Variants in ARVCF observed in about 807,000 individuals in gnomAD.
The protein encoded by ARVCF is splicing regulator ARVCF.
In ARVCF, 66 loss-of-function variants were observed where a neutral mutation model predicts 90.9. The ratio of observed to expected loss-of-function variants is 0.73; its 90% CI spans 0.60 to 0.89. ARVCF has a LOEUF of 0.89. Ranked by LOEUF, ARVCF falls within the 40% of genes least tolerant of loss-of-function variation. ARVCF has a pLI of 0.00. For missense variants in ARVCF, 1,469 were observed against 1,382.3 expected (o/e 1.06, Z -1.00); for synonymous variants, 653 against 603.4 (o/e 1.08, Z -1.21).
At chr22:19,975,427 C>A (rs1185218473) in intron 11 of ARVCF, among the ~76,000 whole-genome samples, 1 of 152,190 alleles carries the variant, frequency 6.6e-6, no homozygotes, top group Admixed American at 6.5e-5. Context: ...ACCGTGAGGC[C>A]GAGCAAGCCC....
rs1380319592 is a variant in ARVCF at position 19,972,802 on chromosome 22, G to C, written c.2576C>G (p.Pro859Arg). ...GCCCCCAGGACTCAGTGCTCCCTTAGGCCCCTTGGCAGTAGCAGCAGCTGA... is the reference window on the plus strand; with the variant it reads ...GCCCCCAGGACTCAGTGCTCCCTTACGCCCCTTGGCAGTAGCAGCAGCTGA... Reference protein sequence around the residue: ...FQSAAATAKGPKGALSPGGFD... With the variant: ...FQSAAATAKGRKGALSPGGFD... Residue 859 changes from proline to arginine, a missense_variant, in exon 16 of 20, where the codon CCT (proline) becomes CGT (arginine). Coordinates refer to ENST00000263207, the MANE Select transcript of ARVCF (RefSeq NM_001670.3). 1 of 1,613,524 alleles carries C rather than the reference G, an allele frequency of 6.2e-7. No individual in the cohort carries two copies. Among genetic ancestry groups the C allele is most frequent in the Non-Finnish European group, 8.5e-7 (1 of 1,179,760 alleles).
rs2146491866 is a variant in ARVCF at position 20,009,265 on chromosome 22, C to T, written c.-19+1190G>A. Among the ~76,000 whole-genome samples the T allele has an allele frequency of 2.6e-5, 4 of 152,356 alleles. 1 individual carries two copies. The Middle Eastern group carries it at 0.01, about 389-fold the overall frequency. ...CATTCTCGGCCAGACGCTGGTCCTC[C>T]CACACAGCCAGGCGGCAGCAGACCC... On this transcript the variant is annotated intron_variant, in intron 2 of 19. Transcript: ENST00000263207.
chr22:19,970,602 G>A lies in ARVCF; in HGVS notation c.*154C>T. 8.0e-7 allele frequency: 1 copy of A among 1,256,218 alleles called. No homozygotes were observed. The allele number at this position is 1,256,218 out of a possible 1,614,324, so 77.8% of individuals were successfully genotyped here. ...GGGAGTGGGGTGGGGGGGCAGGAGGGTGTCCCCAAAGTCAGGCTTGGCTGG... is the reference window on the plus strand; with the variant it reads ...GGGAGTGGGGTGGGGGGGCAGGAGGATGTCCCCAAAGTCAGGCTTGGCTGG... On this transcript the variant is annotated 3_prime_UTR_variant, in exon 20 of 20. Transcript: ENST00000263207.
At chr22:20,011,101 T>C (rs1333450119) in intron 1 of ARVCF, among the ~76,000 whole-genome samples, 1 of 152,278 alleles carries the variant, frequency 6.6e-6, no homozygotes, top group Non-Finnish European at 1.5e-5. Context: ...TTGTCTGGGA[T>C]GGGGGACCTG....
rs144850362 is a variant in ARVCF at position 19,980,002 on chromosome 22, G to A, written c.1137C>T (p.Ala379=). Residue 379 remains alanine (A), a synonymous_variant, in exon 6 of 20, where the codon GCC becomes GCT. Coordinates refer to ENST00000263207, the MANE Select transcript of ARVCF (RefSeq NM_001670.3). ...CAAAGCACAGATGCTGCAGGTAGGCGGCCGCATTGGCCTTCACGGGGTCCA... is the reference window on the plus strand; with the variant it reads ...CAAAGCACAGATGCTGCAGGTAGGCAGCCGCATTGGCCTTCACGGGGTCCA... ...HPVDPVKANA[A]AYLQHLCFEN... 1.2e-4 allele frequency: 189 copies of A among 1,594,140 alleles called. 1 individual carries two copies. In the African/African-American group the frequency reaches 1.9e-3, roughly 16 times the overall value.
At position 19,973,240 on chromosome 22, in the gene ARVCF, C is replaced by G; in HGVS notation, c.2317G>C (p.Glu773Gln). The change falls in exon 14 of 20, where the codon GAA becomes CAA. Residue 773 changes from glutamate (E) to glutamine (Q), a missense_variant. Physicochemically the swap from Glu to Gln is conservative, Grantham distance 29 (BLOSUM62 2). Transcript: ENST00000263207. ...APPRPGACLE[E>Q]DTVVAVLNTI... ...TTGAGCACCGCCACCACGGTGTCTT[C>G]CTCCAGGCAGGCCCCCGGTCGCGGC... The G allele has an allele frequency of 6.2e-7, 1 of 1,610,688 alleles. No homozygotes were observed. The highest frequency in any genetic ancestry group is 8.5e-7 in the Non-Finnish European group (1 of 1,179,250).
intron 7 of ARVCF, among the ~76,000 whole-genome samples, chr22:19,978,469 G>A (rs912750751): frequency 1.3e-5 from 2 of 152,190 alleles, no homozygotes; most frequent in Non-Finnish European, 2.9e-5. Context: ...GCAGGGCTGC[G>A]CGGGAACACC....
At position 19,970,362 on chromosome 22, in the gene ARVCF, C is replaced by T. The variant is rs1035789650; in HGVS notation, c.*394G>A. 10 of 1,003,956 alleles carry T rather than the reference C, an allele frequency of 1.0e-5. No homozygotes were observed. The East Asian group carries it at 3.2e-4, about 32-fold the overall frequency. 62.2% of individuals were successfully genotyped at this position (1,003,956 alleles called of 1,614,324 possible). A position where few individuals can be genotyped will look rare whatever the true frequency, so the allele number is the denominator to read the frequency against. On this transcript the variant is annotated 3_prime_UTR_variant, in exon 20 of 20. Transcript: ENST00000263207. ...TCCCTGCCTAGCTGCCTGCCCCTGG[C>T]GCCAGACCTGGCCCGCACCACTGGG...
Position 19,981,252 on chromosome 22 carries a change from G to C in ARVCF, c.855C>G (p.Ala285=). Residue 285 remains alanine (A), a synonymous_variant, in exon 5 of 20, where the codon GCC becomes GCG. Coordinates refer to ENST00000263207, the MANE Select transcript of ARVCF (RefSeq NM_001670.3). Reference sequence around the variant, plus strand: ...GCCCACACTCAGGCCTCCTCCTTGTGGCCGTGCCATAGTCAGGCTCCAGCT... The same window carrying C: ...GCCCACACTCAGGCCTCCTCCTTGTCGCCGTGCCATAGTCAGGCTCCAGCT... The part of the protein sequence containing the change: ...GPELEPDYGT[A]TRRRPECGRG... The C allele has an allele frequency of 1.3e-6, 2 of 1,560,568 alleles. No homozygotes were observed. The highest frequency in any genetic ancestry group is 1.7e-6 in the Non-Finnish European group (2 of 1,153,370).
intron 3 of ARVCF, among the ~76,000 whole-genome samples, chr22:19,985,656 A>G (rs1373179521): frequency 6.6e-6 from 1 of 152,254 alleles, no homozygotes; most frequent in Non-Finnish European, 1.5e-5. Flanking sequence ...ATGCTGGGGC[A>G]CAGGTGGCTG....
downstream of ARVCF, chr22:19,967,419 ACAT>A (rs1569137116): frequency 2.1e-6 from 1 of 470,430 alleles, no homozygotes. Flanking sequence ...AAATGAAAAC[ACAT>A]CATGATTCAT....
intron 2 of ARVCF, among the ~76,000 whole-genome samples, chr22:20,002,366 C>T (rs1368802458): frequency 6.6e-6 from 1 of 152,196 alleles, no homozygotes; most frequent in African/African-American, 2.4e-5. Flanking sequence ...TGCATACTGT[C>T]CCTCTGTAAA....
In ARVCF at chr22:19,981,593, C is replaced by T. The variant is rs1943505296; in HGVS notation, c.514G>A (p.Gly172Ser). Residue 172 changes from glycine (G) to serine (S), a missense_variant, in exon 5 of 20, where the codon GGT becomes AGT. Physicochemically the swap from Gly to Ser is moderately conservative, Grantham distance 56. Coordinates refer to ENST00000263207, the MANE Select transcript of ARVCF (RefSeq NM_001670.3). ...CGAGAGAGTGTGGCCACTGGGCCACCACCACGCAGCAGGAAATGCCGGTCC... is the reference window on the plus strand; with the variant it reads ...CGAGAGAGTGTGGCCACTGGGCCACTACCACGCAGCAGGAAATGCCGGTCC... The part of the protein sequence containing the change: ...ALDRHFLLRG[G>S]GPVATLSRAY... The T allele has an allele frequency of 1.2e-6, 2 of 1,607,010 alleles. No individual in the cohort carries two copies. Among genetic ancestry groups the T allele is most frequent in the Admixed American group, 1.7e-5 (1 of 59,902 alleles).
chr22:19,991,539 G>T (rs954909957), intron 2 of ARVCF, among the ~76,000 whole-genome samples: 6 of 152,240 alleles, frequency 3.9e-5, no homozygotes, highest in African/African-American at 1.4e-4. Context: ...GAAGTGGCTG[G>T]TGTGTGTGAT....
chr22:20,000,643 C>G (rs1230695898), intron 2 of ARVCF, among the ~76,000 whole-genome samples: 1 of 152,214 alleles, frequency 6.6e-6, no homozygotes, highest in Non-Finnish European at 1.5e-5. Context: ...CACACTGCTA[C>G]GGTGTGAATG....
rs749150029 is a variant in ARVCF at position 19,974,193 on chromosome 22, G to A, written c.2007C>T (p.Ser669=). The A allele has an allele frequency of 1.1e-5, 17 of 1,612,852 alleles. No homozygotes were observed. The South Asian group carries it at 1.9e-4, about 18-fold the overall frequency. The change falls in exon 12 of 20, where the codon TCC becomes TCT. Residue 669 remains serine, a synonymous_variant. Transcript: ENST00000263207. ...YQPEVVRLYL[S]LLTESRNFNT... ...TGAAGTTCCGGCTCTCCGTGAGGAG[G>A]GAGAGGTAGAGACGTACCACCTCGG... is the stretch of plus-strand genomic sequence containing the variant.
chr22:19,975,764 G>A lies in ARVCF; in HGVS notation c.1889-7C>T. On this transcript the variant is annotated splice_polypyrimidine_tract_variant and splice_region_variant and intron_variant, in intron 10 of 19. Coordinates refer to ENST00000263207, the MANE Select transcript of ARVCF (RefSeq NM_001670.3). Reference sequence around the variant, plus strand: ...ATCTCACCATCCTTCTTTCCTGGAAGGGAAAGGTGGTGGGAGGTGAGGCAG... The same window carrying A: ...ATCTCACCATCCTTCTTTCCTGGAAAGGAAAGGTGGTGGGAGGTGAGGCAG... 6.2e-7 allele frequency: 1 copy of A among 1,613,382 alleles called. No homozygotes were observed. Among genetic ancestry groups the A allele is most frequent in the Non-Finnish European group, 8.5e-7 (1 of 1,179,918 alleles).
intron 2 of ARVCF, among the ~76,000 whole-genome samples, chr22:20,003,583 A>C (rs1555950862): frequency 6.6e-6 from 1 of 152,256 alleles, no homozygotes; most frequent in Non-Finnish European, 1.5e-5. Context: ...TACAAAAATC[A>C]ATCAATGTAA....
At chr22:19,976,786 C>G (rs1452213117) in intron 9 of ARVCF, 63 bp from the exon 10 acceptor site, 4 of 1,537,426 alleles carry the variant, frequency 2.6e-6, no homozygotes, top group Non-Finnish European at 1.8e-6. Flanking sequence ...ACTCATCACC[C>G]CCCCATGCCC....
Sources: allele counts gnomAD v4.1 joint callset (sites outside exome capture counted in the v4.1 genomes callset), GRCh38; gene constraint gnomAD v4.1.1; transcripts MANE v1.5; gene names NCBI Gene and HGNC (gene_info 2026-07-23, HGNC 2026-07-21).